The following CAMK4 variants were observed in gnomAD, a reference collection of about 807,000 sequenced individuals.
CAMK4 encodes calcium/calmodulin dependent protein kinase IV.
A neutral mutation model predicts 44.9 loss-of-function variants in CAMK4; 22 were observed. That is an observed-to-expected ratio of 0.49 (90% CI 0.35 to 0.70). The LOEUF (loss-of-function observed/expected upper bound fraction) is 0.70, where lower values mean the gene tolerates loss of function less well. Among genes scored for constraint, CAMK4 ranks in the 30% least tolerant of loss-of-function variants. CAMK4 has a pLI of 0.01. For missense variants in CAMK4, 498 were observed against 586.8 expected (o/e 0.85, Z 1.56); for synonymous variants, 218 against 215.4 (o/e 1.01, Z -0.11).
intron 7 of CAMK4, among the ~76,000 whole-genome samples, chr5:111,468,410 A>G (rs949145961): frequency 2.0e-5 from 3 of 152,352 alleles, no homozygotes; most frequent in African/African-American, 7.2e-5. Flanking sequence ...GAGAAAAGAT[A>G]TGAAGGACAG....
chr5:111,313,196 T>C (rs1337854215), intron 1 of CAMK4, among the ~76,000 whole-genome samples: 1 of 152,082 alleles, frequency 6.6e-6, no homozygotes, highest in African/African-American at 2.4e-5. Context: ...TTTTGAAATA[T>C]CCCTCTCCTC....
intron 1 of CAMK4, among the ~76,000 whole-genome samples, chr5:111,318,297 GCTGTGTAGTACCC>G (rs1322000478): frequency 6.6e-6 from 1 of 152,054 alleles, no homozygotes; most frequent in East Asian, 1.9e-4. Flanking sequence ...GATCCACATG[GCTGTGTAGTACCC>G]CTGTGCCTGT....
intron 1 of CAMK4, among the ~76,000 whole-genome samples, chr5:111,238,805 CTTCTTTTTTTTTTT>C (rs1748857962): frequency 9.7e-6 from 1 of 103,176 alleles, no homozygotes; most frequent in African/African-American, 4.1e-5. Context: ...CTCAGAGGCT[CTTCTTTTTTTTTTT>C]TTTTTTTTTT....
chr5:111,319,150 C>T (rs1748555266), intron 1 of CAMK4, among the ~76,000 whole-genome samples: 1 of 152,188 alleles, frequency 6.6e-6, no homozygotes, highest in Non-Finnish European at 1.5e-5. Context: ...CAATTAACTA[C>T]AATTCAAGGC....
chr5:111,361,907 G>A (rs438729), intron 2 of CAMK4, among the ~76,000 whole-genome samples: 132,192 of 152,064 alleles, frequency 0.87, 57,788 homozygotes, highest in East Asian at 1. Flanking sequence ...TGTGTTTCAT[G>A]TTTAGTAGAT....
intron 1 of CAMK4, among the ~76,000 whole-genome samples, chr5:111,280,020 G>T (rs1750941338): frequency 6.6e-6 from 1 of 152,186 alleles, no homozygotes; most frequent in South Asian, 2.1e-4. Context: ...GAGGTCAGAA[G>T]ATGTCCGAAA....
chr5:111,395,733 T>C (rs578071898), intron 5 of CAMK4, among the ~76,000 whole-genome samples: 106 of 152,318 alleles, frequency 7.0e-4, no homozygotes, highest in African/African-American at 2.5e-3. Context: ...CCTGTATAAA[T>C]CAGACTCAAC....
intron 1 of CAMK4, among the ~76,000 whole-genome samples, chr5:111,322,933 A>G (rs934629552): frequency 2.6e-5 from 4 of 152,156 alleles, no homozygotes; most frequent in Admixed American, 2.6e-4. Context: ...AAGACAAATC[A>G]ATAGAAATTG....
In CAMK4 at chr5:111,234,939, G is replaced by C. The variant is rs962745285; in HGVS notation, c.161+10295G>C. Among the ~76,000 whole-genome samples the C allele has an allele frequency of 2.0e-5, 3 of 152,256 alleles. No homozygotes were observed. In the East Asian group the frequency reaches 5.8e-4, roughly 29 times the overall value. ...AGAACTTGACTAATATTATAAACTG[G>C]AACATAGAAGTGGAGAAGATAACAG... On this transcript the variant is annotated intron_variant, in intron 1 of 10. Coordinates refer to ENST00000282356, the MANE Select transcript of CAMK4 (RefSeq NM_001744.6).
intron 1 of CAMK4, among the ~76,000 whole-genome samples, chr5:111,285,872 C>T (rs1303700274): frequency 6.6e-6 from 1 of 152,200 alleles, no homozygotes; most frequent in Non-Finnish European, 1.5e-5. Context: ...TACGTGTTGT[C>T]ATCCATTTCT....
chr5:111,394,685 A>G, intron 4 of CAMK4, 25 bp from the exon 5 acceptor site: 1 of 1,533,522 alleles, frequency 6.5e-7, no homozygotes, highest in South Asian at 1.1e-5. Context: ...GTGCCTGAGA[A>G]GCATTTCCTT....
At chr5:111,374,804 A>G (rs1398547302) in intron 2 of CAMK4, 46 bp from the exon 3 acceptor site, 2 of 1,168,778 alleles carry the variant, frequency 1.7e-6, no homozygotes, top group Admixed American at 3.4e-5. Context: ...TGCTACAATG[A>G]AGGGGGGAGT....
chr5:111,375,483 C>T lies in CAMK4; in HGVS notation c.303+571C>T, dbSNP rs569275896. ...AGTGAAAAAGAATAAAATTATTTTCCAGGTTGCAAGTTATTTTTATGAATT... is the reference window on the plus strand; with the variant it reads ...AGTGAAAAAGAATAAAATTATTTTCTAGGTTGCAAGTTATTTTTATGAATT... On this transcript the variant is annotated intron_variant, in intron 3 of 10. Transcript: ENST00000282356. Among the ~76,000 whole-genome samples, 5 of 152,128 alleles carry T rather than the reference C, an allele frequency of 3.3e-5. No individual in the cohort carries two copies. In the South Asian group the frequency reaches 6.2e-4, roughly 19 times the overall value.
At chr5:111,375,271 A>G (rs578163923) in intron 3 of CAMK4, among the ~76,000 whole-genome samples, 13 of 152,294 alleles carry the variant, frequency 8.5e-5, no homozygotes, top group Non-Finnish European at 1.8e-4. Flanking sequence ...TGTGAAGAAA[A>G]TACATTGCTT....
chr5:111,302,109 C>T (rs1747745547), intron 1 of CAMK4: 1 of 152,232 alleles, frequency 6.6e-6, no homozygotes, highest in Admixed American at 6.5e-5. Flanking sequence ...AATCTTAAAA[C>T]ATTTTATATT....
chr5:111,315,428 C>T (rs942048902), intron 1 of CAMK4, among the ~76,000 whole-genome samples: 1 of 152,048 alleles, frequency 6.6e-6, no homozygotes, highest in Non-Finnish European at 1.5e-5. Flanking sequence ...TCTTGTCTCC[C>T]TGATTAGGTT....
At chr5:111,292,950 T>G (rs1438918742) in intron 1 of CAMK4, among the ~76,000 whole-genome samples, 2 of 152,168 alleles carry the variant, frequency 1.3e-5, no homozygotes, top group Non-Finnish European at 2.9e-5. Flanking sequence ...TGAAGTATCC[T>G]TTAAAATGAA....
At chr5:111,389,142 G>A (rs1276534962) in intron 4 of CAMK4, among the ~76,000 whole-genome samples, 2 of 152,150 alleles carry the variant, frequency 1.3e-5, no homozygotes, top group Non-Finnish European at 2.9e-5. Context: ...CCTGCTGAGG[G>A]GCTGCTTTTT....
chr5:111,224,747 C>T lies in CAMK4; in HGVS notation c.161+103C>T, dbSNP rs1197970599. ...TGCGGGAGCCTGCCTTCGTGCCCTTCGATTTCTCCCTACCTAGTTAGTGTC... is the reference window on the plus strand; with the variant it reads ...TGCGGGAGCCTGCCTTCGTGCCCTTTGATTTCTCCCTACCTAGTTAGTGTC... On this transcript the variant is annotated intron_variant, in intron 1 of 10. Coordinates refer to ENST00000282356, the MANE Select transcript of CAMK4 (RefSeq NM_001744.6). The surrounding 1 kb of genome is among the most constrained non-coding windows in gnomAD (Gnocchi z 5.7). The T allele has an allele frequency of 1.8e-6, 2 of 1,098,510 alleles. No homozygotes were observed. The highest frequency in any genetic ancestry group is 3.2e-5 in the African/African-American group (2 of 61,818). 68.0% of individuals were successfully genotyped at this position (1,098,510 alleles called of 1,614,324 possible). A position where few individuals can be genotyped will look rare whatever the true frequency, so the allele number is the denominator to read the frequency against.
Sources: allele counts gnomAD v4.1 joint callset (sites outside exome capture counted in the v4.1 genomes callset), GRCh38; gene constraint gnomAD v4.1.1; non-coding constraint Gnocchi (gnomAD v3.1); transcripts MANE v1.5; gene names NCBI Gene and HGNC (gene_info 2026-07-23, HGNC 2026-07-21).